CHRNA7: variants seen among roughly 807,000 people sequenced by gnomAD.
The protein encoded by CHRNA7 is neuronal acetylcholine receptor subunit alpha-7.
Under a neutral mutation model 48.0 loss-of-function variants are expected in CHRNA7, and 17 were observed. The observed-to-expected ratio is 0.35, with a 90% CI of 0.24 to 0.53. The LOEUF (loss-of-function observed/expected upper bound fraction) is 0.53. CHRNA7 is among the 20% of genes least tolerant of loss of function. The pLI, the probability that CHRNA7 is intolerant of heterozygous loss-of-function variation, is 0.92. For missense variants in CHRNA7, 155 were observed against 577.7 expected (o/e 0.27, Z 7.50); for synonymous variants, 75 against 242.3 (o/e 0.31, Z 6.41).
chr15:32,153,353 T>C (rs1235995255), intron 4 of CHRNA7: 2 of 141,416 alleles, frequency 1.4e-5, no homozygotes, highest in Non-Finnish European at 3.0e-5. Context: ...ACCCAGGAGG[T>C]GGAGCTTGCA....
chr15:32,081,830 C>T (rs571148109), intron 2 of CHRNA7, among the ~76,000 whole-genome samples: 2 of 152,226 alleles, frequency 1.3e-5, no homozygotes, highest in East Asian at 1.9e-4. Flanking sequence ...GCTTTCTCTC[C>T]ACTCTTCCTT....
intron 2 of CHRNA7, among the ~76,000 whole-genome samples, chr15:32,097,036 A>G (rs904019071): frequency 6.6e-6 from 1 of 152,102 alleles, no homozygotes; most frequent in Middle Eastern, 3.2e-3. Flanking sequence ...GGTGACAGCC[A>G]TTGGCACTGA....
intron 2 of CHRNA7, among the ~76,000 whole-genome samples, chr15:32,096,748 G>A (rs1158325115): frequency 1.3e-5 from 2 of 152,264 alleles, no homozygotes; most frequent in Admixed American, 1.3e-4. Context: ...AGCACATTAC[G>A]CATTACCACG....
intron 2 of CHRNA7, among the ~76,000 whole-genome samples, chr15:32,038,018 T>C (rs1902174926): frequency 6.7e-6 from 1 of 149,110 alleles, no homozygotes; most frequent in Non-Finnish European, 1.5e-5. Context: ...AGTTTTCTTA[T>C]CATTAGGTAT....
intron 4 of CHRNA7, among the ~76,000 whole-genome samples, chr15:32,145,549 G>A (rs1360655720): frequency 6.6e-6 from 1 of 152,174 alleles, no homozygotes; most frequent in East Asian, 1.9e-4. Context: ...GAGGCAGTAG[G>A]CCTTGCTGAG....
At chr15:32,036,701 C>G (rs181326446) in intron 2 of CHRNA7, among the ~76,000 whole-genome samples, 2 of 150,708 alleles carry the variant, frequency 1.3e-5, no homozygotes, top group East Asian at 3.9e-4. Context: ...AGCATTTTTT[C>G]AGAAGCTTAT....
chr15:32,100,308 C>T (rs371631590), intron 2 of CHRNA7: 30 of 152,250 alleles, frequency 2.0e-4, no homozygotes, highest in African/African-American at 6.3e-4. Flanking sequence ...AATATTTTCC[C>T]TGGAGAGGGT....
intron 4 of CHRNA7, among the ~76,000 whole-genome samples, chr15:32,116,752 G>A (rs556551014): frequency 2.2e-4 from 34 of 152,310 alleles, no homozygotes; most frequent in African/African-American, 7.7e-4. Context: ...TGAGTTGCTC[G>A]GTCAGAAAAT....
At chr15:32,106,978 T>C (rs1170297209) in intron 3 of CHRNA7, among the ~76,000 whole-genome samples, 5 of 152,212 alleles carry the variant, frequency 3.3e-5, no homozygotes, top group Non-Finnish European at 5.9e-5. Context: ...TGCTTAGGGC[T>C]GTGATGGCAT....
chr15:32,164,914 A>T (rs1314232397), intron 9 of CHRNA7, among the ~76,000 whole-genome samples: 141 of 2,660 alleles, frequency 0.053, no homozygotes, highest in Non-Finnish European at 0.13. Flanking sequence ...TCCATCTCCT[A>T]AAAAAAAAAA....
chr15:32,149,932 A>G lies in CHRNA7; in HGVS notation c.351-3975A>G, dbSNP rs1286834337. On this transcript the variant is annotated intron_variant, in intron 4 of 9. Transcript: ENST00000306901. The surrounding 1 kb of genome is among the most constrained non-coding windows in gnomAD (Gnocchi z 4.6). ...CAGATGCTCAGTCTTGATTATAAAT[A>G]TGAAAATCAGACAGGAAGAAACCCA... is the stretch of plus-strand genomic sequence containing the variant. Among the ~76,000 whole-genome samples the G allele has an allele frequency of 2.6e-5, 4 of 152,138 alleles. No individual in the cohort carries two copies. Among genetic ancestry groups the G allele is most frequent in the Non-Finnish European group, 4.4e-5 (3 of 68,024 alleles).
intron 3 of CHRNA7, among the ~76,000 whole-genome samples, chr15:32,109,665 C>T (rs2141276105): frequency 6.6e-6 from 1 of 152,304 alleles, no homozygotes; most frequent in Non-Finnish European, 1.5e-5. Context: ...CAGGTAAGCC[C>T]TGACCCAGTG....
intron 4 of CHRNA7, among the ~76,000 whole-genome samples, chr15:32,147,195 A>G (rs1037605449): frequency 2.6e-5 from 4 of 152,208 alleles, no homozygotes; most frequent in African/African-American, 9.7e-5. Context: ...GGAGCTAAAC[A>G]CTGGGTACTC....
intron 2 of CHRNA7, among the ~76,000 whole-genome samples, chr15:32,049,971 G>GC (rs2049635018): frequency 6.6e-6 from 1 of 152,108 alleles, no homozygotes. Context: ...TTGAATATTG[G>GC]CCCCCACTCT....
At chr15:32,046,426 T>C (rs930544710) in intron 2 of CHRNA7, among the ~76,000 whole-genome samples, 9 of 148,174 alleles carry the variant, frequency 6.1e-5, no homozygotes, top group African/African-American at 2.3e-4. Context: ...CCAGTGATGA[T>C]GAGCCTTTTT....
intron 4 of CHRNA7, among the ~76,000 whole-genome samples, chr15:32,138,670 T>G (rs1026749671): frequency 6.6e-6 from 1 of 152,124 alleles, no homozygotes; most frequent in Non-Finnish European, 1.5e-5. Flanking sequence ...CTAAAAATCC[T>G]CGGTGCTCCA....
intron 2 of CHRNA7, among the ~76,000 whole-genome samples, chr15:32,040,849 A>T (rs969406612): frequency 3.3e-5 from 5 of 151,818 alleles, no homozygotes; most frequent in Non-Finnish European, 7.4e-5. Flanking sequence ...ACATTTTTTC[A>T]AGGCAGGTCT....
chr15:32,121,195 G>T (rs2050963151), intron 4 of CHRNA7, among the ~76,000 whole-genome samples: 1 of 152,186 alleles, frequency 6.6e-6, no homozygotes, highest in South Asian at 2.1e-4. Context: ...AGCTTTCCTT[G>T]TGGGCCAGGG....
At position 32,168,753 on chromosome 15, in the gene CHRNA7, A is replaced by AAT; in HGVS notation, c.*295_*296insAT. On this transcript the variant is annotated 3_prime_UTR_variant, in exon 10 of 10. Transcript: ENST00000306901. ...GCCCACTGCCTGGAAAGCCCTTCGGAGAGCTCCCCATGGCTCCTCACCACC... is the reference window on the plus strand; with the variant it reads ...GCCCACTGCCTGGAAAGCCCTTCGGAATGAGCTCCCCATGGCTCCTCACCACC... 1.1e-5 allele frequency: 1 copy of AAT among 87,564 alleles called. No individual in the cohort carries two copies. Among genetic ancestry groups the AAT allele is most frequent in the Non-Finnish European group, 1.9e-5 (1 of 51,342 alleles). 5.4% of individuals were successfully genotyped at this position (87,564 alleles called of 1,614,324 possible).
Sources: allele counts gnomAD v4.1 joint callset (sites outside exome capture counted in the v4.1 genomes callset), GRCh38; gene constraint gnomAD v4.1.1; non-coding constraint Gnocchi (gnomAD v3.1); transcripts MANE v1.5; gene names NCBI Gene and HGNC (gene_info 2026-07-23, HGNC 2026-07-21).